TENM2: variants seen among roughly 807,000 people sequenced by gnomAD.
The protein encoded by TENM2 is teneurin-2.
In TENM2, 52 loss-of-function variants were observed where a neutral mutation model predicts 245.2. The observed-to-expected ratio is 0.21, with a 90% CI of 0.17 to 0.27. The LOEUF is 0.27. Among genes scored for constraint, TENM2 ranks in the 10% least tolerant of loss-of-function variants. The pLI is 1.00. For missense variants in TENM2, 3,046 were observed against 3,666.8 expected (o/e 0.83, Z 4.37); for synonymous variants, 1,363 against 1,438.9 (o/e 0.95, Z 1.19).
the TENM2 span, among the ~76,000 whole-genome samples, chr5:167,215,567 A>G: frequency 6.6e-6 from 1 of 152,168 alleles, no homozygotes; most frequent in East Asian, 1.9e-4. Flanking sequence ...CTGGAGGAAG[A>G]GTTTAGGAAG....
the TENM2 span, among the ~76,000 whole-genome samples, chr5:167,238,345 G>A: frequency 3.9e-5 from 6 of 152,094 alleles, no homozygotes; most frequent in African/African-American, 1.4e-4. Flanking sequence ...CAGGTCTTAT[G>A]AAATATCAAT....
Position 167,413,902 on chromosome 5 carries a change from G to A in TENM2, c.502+38429G>A, listed in dbSNP as rs138525709. Among the ~76,000 whole-genome samples the A allele has an allele frequency of 1.3e-3, 204 of 152,220 alleles. 2 individuals are homozygous for A. The highest frequency in any genetic ancestry group is 0.013 in the South Asian group (63 of 4,830). ...TTGATTTAAGCATAAAATGCATAGCGCTCAATACTTTACCACCTAACGTTT... is the reference window on the plus strand; with the variant it reads ...TTGATTTAAGCATAAAATGCATAGCACTCAATACTTTACCACCTAACGTTT... On this transcript the variant is annotated intron_variant, in intron 2 of 28. Transcript: ENST00000518659.
At chr5:168,127,258 G>A (rs141868813) in intron 12 of TENM2, among the ~76,000 whole-genome samples, 1 of 152,312 alleles carries the variant, frequency 6.6e-6, no homozygotes, top group Non-Finnish European at 1.5e-5. Context: ...GTGTCTGGGG[G>A]TTGCAAGCAC....
At chr5:167,769,269 T>G (rs546257799) in intron 2 of TENM2, among the ~76,000 whole-genome samples, 1 of 152,340 alleles carries the variant, frequency 6.6e-6, no homozygotes, top group African/African-American at 2.4e-5. Flanking sequence ...TTCATGCATG[T>G]GTGAACCTCG....
At chr5:167,804,686 TCTCACAG>T (rs1340756070) in intron 2 of TENM2, among the ~76,000 whole-genome samples, 1 of 152,084 alleles carries the variant, frequency 6.6e-6, no homozygotes, top group Non-Finnish European at 1.5e-5. Flanking sequence ...CCAAGACCTG[TCTCACAG>T]CTCAGCCTCT....
chr5:167,941,022 A>G (rs995005287), intron 3 of TENM2, among the ~76,000 whole-genome samples: 1 of 152,248 alleles, frequency 6.6e-6, no homozygotes, highest in African/African-American at 2.4e-5. Flanking sequence ...ATTAAGAATG[A>G]TCCCATTTGA....
chr5:168,076,618 G>A (rs1176933317), intron 7 of TENM2, among the ~76,000 whole-genome samples: 2 of 152,156 alleles, frequency 1.3e-5, no homozygotes, highest in East Asian at 3.9e-4. Flanking sequence ...AACCTTGTCT[G>A]TATCATTCAC....
intron 1 of TENM2, among the ~76,000 whole-genome samples, chr5:167,315,555 A>T (rs578138240): frequency 6.6e-6 from 1 of 152,320 alleles, no homozygotes; most frequent in Non-Finnish European, 1.5e-5. Flanking sequence ...AAATGAAATA[A>T]TATTTAATAG....
intron 5 of TENM2, among the ~76,000 whole-genome samples, chr5:168,001,388 G>A (rs1784412316): frequency 6.6e-6 from 1 of 152,250 alleles, no homozygotes; most frequent in South Asian, 2.1e-4. Context: ...TATTACAAAA[G>A]TGTAGCAGAA....
At chr5:168,195,670 G>A (rs114308405) in intron 15 of TENM2, among the ~76,000 whole-genome samples, 77 of 150,340 alleles carry the variant, frequency 5.1e-4, no homozygotes, top group Middle Eastern at 6.9e-3. Flanking sequence ...ACGAACTCCT[G>A]TTTTAAATCA....
At chr5:167,892,866 G>A (rs1774869973) in intron 3 of TENM2, among the ~76,000 whole-genome samples, 1 of 152,014 alleles carries the variant, frequency 6.6e-6, no homozygotes, top group Non-Finnish European at 1.5e-5. Context: ...ATAATGTGTG[G>A]AAAAAAATAC....
chr5:167,532,628 C>T (rs1476037183), intron 2 of TENM2, among the ~76,000 whole-genome samples: 1 of 151,890 alleles, frequency 6.6e-6, no homozygotes, highest in East Asian at 1.9e-4. Flanking sequence ...GTTCTTCCCA[C>T]AGCCTGTGGG....
At position 167,833,050 on chromosome 5, in the gene TENM2, G is replaced by A. The variant is rs146527470; in HGVS notation, c.503-42936G>A. 2.3e-3 allele frequency among the ~76,000 whole-genome samples: 345 copies of A among 152,172 alleles called. 1 individual carries two copies. Among genetic ancestry groups the A allele is most frequent in the African/African-American group, 7.9e-3 (329 of 41,536 alleles). On this transcript the variant is annotated intron_variant, in intron 2 of 28. Transcript: ENST00000518659. Reference sequence around the variant, plus strand: ...AGAACTAAAAAGGGTACATGGTACCGTTTTTAGAACTAGAAGGATACCCTT... The same window carrying A: ...AGAACTAAAAAGGGTACATGGTACCATTTTTAGAACTAGAAGGATACCCTT...
chr5:168,177,007 C>T (rs1268240530), intron 13 of TENM2, among the ~76,000 whole-genome samples: 1 of 152,196 alleles, frequency 6.6e-6, no homozygotes, highest in Non-Finnish European at 1.5e-5. Context: ...TCATTGACTT[C>T]GTATGGGTTG....
At chr5:168,180,645 C>T (rs572157130) in intron 13 of TENM2, among the ~76,000 whole-genome samples, 50 of 152,312 alleles carry the variant, frequency 3.3e-4, no homozygotes, top group African/African-American at 1.2e-3. Flanking sequence ...CCTGTCATCC[C>T]AGCACTTTGG....
intron 2 of TENM2, among the ~76,000 whole-genome samples, chr5:167,635,655 T>TTTTTTTTTTTTTTC (rs1779156474): frequency 1.8e-5 from 1 of 55,782 alleles, no homozygotes; most frequent in Admixed American, 1.5e-4. Flanking sequence ...TTTTTTTTTT[T>TTTTTTTTTTTTTTC]TTTTTTTGAG....
intron 12 of TENM2, chr5:168,130,436 T>C (rs552661021): frequency 6.6e-6 from 1 of 152,224 alleles, no homozygotes; most frequent in Middle Eastern, 3.2e-3. Flanking sequence ...ACAATTCATG[T>C]GTATCTTTGG....
At chr5:168,118,126 T>C (rs1005894034) in intron 9 of TENM2, among the ~76,000 whole-genome samples, 166 bp from the exon 12 acceptor site, 1 of 152,214 alleles carries the variant, frequency 6.6e-6, no homozygotes, top group African/African-American at 2.4e-5. Flanking sequence ...TCAGTAGCAC[T>C]TGTGTTGTTT....
At chr5:167,832,087 C>A (rs549771809) in intron 2 of TENM2, among the ~76,000 whole-genome samples, 1 of 152,174 alleles carries the variant, frequency 6.6e-6, no homozygotes, top group South Asian at 2.1e-4. Flanking sequence ...TAAACTGAAA[C>A]GACCAAATCC....
Sources: allele counts gnomAD v4.1 joint callset (sites outside exome capture counted in the v4.1 genomes callset), GRCh38; gene constraint gnomAD v4.1.1; transcripts MANE v1.5; gene names NCBI Gene and HGNC (gene_info 2026-07-23, HGNC 2026-07-21).